PCSK5: variants seen among roughly 807,000 people sequenced by gnomAD.
PCSK5 encodes the protein prohormone convertase 5.
PCSK5 carries 129 observed loss-of-function variants against 233.2 expected under a neutral mutation model. The ratio of observed to expected loss-of-function variants is 0.55; its 90% CI spans 0.48 to 0.64. PCSK5 has a LOEUF of 0.64. Among genes scored for constraint, PCSK5 ranks in the 30% least tolerant of loss-of-function variants. PCSK5 has a pLI of 0.00. For missense variants in PCSK5, 2,076 were observed against 2,430.1 expected (o/e 0.85, Z 3.06); for synonymous variants, 825 against 879.2 (o/e 0.94, Z 1.09).
chr9:75,905,901 C>G (rs888057052), intron 1 of PCSK5, among the ~76,000 whole-genome samples: 1 of 152,022 alleles, frequency 6.6e-6, no homozygotes, highest in Non-Finnish European at 1.5e-5. Flanking sequence ...TCCCTGGTGC[C>G]GAAAAGGTTG....
intron 20 of PCSK5, chr9:76,205,338 A>G: frequency 4.1e-6 from 2 of 492,118 alleles, no homozygotes; most frequent in Non-Finnish European, 8.1e-6. Flanking sequence ...GGAGGTGGCG[A>G]GACATTCGCA....
intron 24 of PCSK5, among the ~76,000 whole-genome samples, chr9:76,271,250 T>C (rs1420957033): frequency 6.6e-6 from 1 of 152,172 alleles, no homozygotes; most frequent in Admixed American, 6.5e-5. Flanking sequence ...CTTTATTCCT[T>C]ATAAGGCCAA....
chr9:76,009,817 A>G (rs151216626), intron 3 of PCSK5, among the ~76,000 whole-genome samples: 1 of 152,154 alleles, frequency 6.6e-6, no homozygotes, highest in East Asian at 1.9e-4. Flanking sequence ...CTACCCTACA[A>G]TCATACTTCA....
intron 20 of PCSK5, among the ~76,000 whole-genome samples, chr9:76,226,725 G>C (rs779351113): frequency 8.5e-5 from 13 of 152,298 alleles, no homozygotes; most frequent in Middle Eastern, 3.4e-3. Context: ...ACAATAGCAG[G>C]TTAGGATGAG....
At chr9:75,960,591 A>G (rs893728659) in intron 2 of PCSK5, among the ~76,000 whole-genome samples, 1 of 152,246 alleles carries the variant, frequency 6.6e-6, no homozygotes, top group African/African-American at 2.4e-5. Flanking sequence ...TGTAAATTAA[A>G]TCTTATTACT....
chr9:76,245,125 A>C (rs1159708882), intron 24 of PCSK5, among the ~76,000 whole-genome samples: 2 of 152,198 alleles, frequency 1.3e-5, no homozygotes. Context: ...CTATAACCTG[A>C]GATCCAGACA....
intron 10 of PCSK5, among the ~76,000 whole-genome samples, chr9:76,138,321 T>C (rs1823061343): frequency 6.6e-6 from 1 of 152,118 alleles, no homozygotes; most frequent in Admixed American, 6.6e-5. Flanking sequence ...TTCAGGTTAA[T>C]GTCGGCAGCA....
At chr9:76,048,671 T>G (rs569321368) in intron 5 of PCSK5, among the ~76,000 whole-genome samples, 1 of 152,292 alleles carries the variant, frequency 6.6e-6, no homozygotes, top group African/African-American at 2.4e-5. Flanking sequence ...GGGATAAAAA[T>G]ACATGTAGTA....
Position 75,891,335 on chromosome 9 carries a change from C to G in PCSK5, c.154C>G (p.Arg52Gly). Residue 52 changes from arginine (R) to glycine (G), a missense_variant, in exon 1 of 38, where the codon CGT becomes GGT. By Grantham distance (125) the Arg-to-Gly change is moderately radical (BLOSUM62 -2). Transcript: ENST00000674117. ...CGCCGGGGGCTTCCCGGAGGCCAACCGTATCGCCAGCAAGTACGGATTCAT... is the reference window on the plus strand; with the variant it reads ...CGCCGGGGGCTTCCCGGAGGCCAACGGTATCGCCAGCAAGTACGGATTCAT... ...KIAGGFPEAN[R>G]IASKYGFINI... is the part of the protein sequence containing the mutation. 1 of 1,563,922 alleles carries G rather than the reference C, an allele frequency of 6.4e-7. No homozygotes were observed. Among genetic ancestry groups the G allele is most frequent in the Non-Finnish European group, 8.6e-7 (1 of 1,158,404 alleles).
Position 76,005,912 on chromosome 9 carries a change from CG to C in PCSK5, c.412-17825del, listed in dbSNP as rs145321260. On this transcript the variant is annotated intron_variant, in intron 3 of 37. Coordinates refer to ENST00000674117, the MANE Select transcript of PCSK5 (RefSeq NM_001372043.1). The stretch of plus-strand genomic sequence containing the variant: ...TCAGGCTGGAGTGCAGTGGCACAAT[CG>C]TAGCTCACTGCTGCCTCAGATTCCT... 3.6e-3 allele frequency among the ~76,000 whole-genome samples: 541 copies of C among 152,194 alleles called. 3 individuals carry two copies. Among genetic ancestry groups the C allele is most frequent in the African/African-American group, 0.012 (515 of 41,520 alleles).
chr9:75,942,660 A>T (rs1310818726), intron 2 of PCSK5, among the ~76,000 whole-genome samples: 1 of 152,112 alleles, frequency 6.6e-6, no homozygotes, highest in African/African-American at 2.4e-5. Flanking sequence ...GACACCTATG[A>T]CTGCCCTGGG....
At chr9:75,929,565 A>G (rs1823681482) in intron 1 of PCSK5, among the ~76,000 whole-genome samples, 1 of 152,074 alleles carries the variant, frequency 6.6e-6, no homozygotes, top group Non-Finnish European at 1.5e-5. Context: ...CTCTCCCTCC[A>G]GCTGCAGTAG....
rs78032648 is a variant in PCSK5, at chr9:75,992,871, C to T, written c.411+6626C>T. ...TGAAGGAAAAAAAATTCATATTTGTCGATCAGCAGAGTGAAAATTAGCTGA... is the reference window on the plus strand; with the variant it reads ...TGAAGGAAAAAAAATTCATATTTGTTGATCAGCAGAGTGAAAATTAGCTGA... On this transcript the variant is annotated intron_variant, in intron 3 of 37. Transcript: ENST00000674117. Among the ~76,000 whole-genome samples, 859 of 152,192 alleles carry T rather than the reference C, an allele frequency of 5.6e-3. 7 individuals are homozygous for T. The highest frequency in any genetic ancestry group is 0.02 in the African/African-American group (830 of 41,524).
chr9:76,070,023 C>T (rs997031976), intron 6 of PCSK5, among the ~76,000 whole-genome samples: 6 of 122,894 alleles, frequency 4.9e-5, no homozygotes, highest in African/African-American at 1.3e-4. Context: ...TTTTTTTAGA[C>T]GGAGTCTCGC....
chr9:76,140,325 T>C (rs925433680), intron 10 of PCSK5, among the ~76,000 whole-genome samples: 2 of 152,140 alleles, frequency 1.3e-5, no homozygotes, highest in African/African-American at 4.8e-5. Context: ...CTATTAATGA[T>C]ATTTTCTGTG....
At position 76,025,323 on chromosome 9, in the gene PCSK5, G is replaced by T. The variant is rs148990563; in HGVS notation, c.555+1442G>T. On this transcript the variant is annotated intron_variant, in intron 4 of 37. Transcript: ENST00000674117. ...GTGTTTTGGGAGGTTGAGGCAGGAG[G>T]ATTGCTTGAGCTCAGTAGTTTGAGA... Among the ~76,000 whole-genome samples the T allele has an allele frequency of 8.6e-5, 13 of 152,016 alleles. No homozygotes were observed. The East Asian group carries it at 2.5e-3, about 29-fold the overall frequency.
intron 5 of PCSK5, among the ~76,000 whole-genome samples, chr9:76,036,737 T>C (rs1197116041): frequency 6.6e-6 from 1 of 152,250 alleles, no homozygotes; most frequent in Admixed American, 6.5e-5. Context: ...CTAACGTCAC[T>C]GAATGGCGGA....
chr9:76,164,587 T>G (rs577544416), intron 12 of PCSK5, among the ~76,000 whole-genome samples: 9 of 152,314 alleles, frequency 5.9e-5, no homozygotes, highest in Non-Finnish European at 2.9e-5. Flanking sequence ...TCTATCAGTC[T>G]GCGGTGAGGT....
intron 2 of PCSK5, among the ~76,000 whole-genome samples, chr9:75,968,756 G>A (rs1825697827): frequency 6.6e-6 from 1 of 152,114 alleles, no homozygotes; most frequent in Non-Finnish European, 1.5e-5. Flanking sequence ...ATGGAAATGT[G>A]GAAAAATGGT....
Sources: allele counts gnomAD v4.1 joint callset (sites outside exome capture counted in the v4.1 genomes callset), GRCh38; gene constraint gnomAD v4.1.1; transcripts MANE v1.5; gene names NCBI Gene and HGNC (gene_info 2026-07-23, HGNC 2026-07-21).